The following ITGA1 variants were observed in gnomAD, a reference collection of about 807,000 sequenced individuals.
ITGA1 encodes the protein integrin subunit alpha 1.
In ITGA1, 85 loss-of-function variants were observed where a neutral mutation model predicts 145.9. The ratio of observed to expected loss-of-function variants is 0.58; its 90% CI spans 0.49 to 0.70. The LOEUF (loss-of-function observed/expected upper bound fraction) is 0.70. Among genes scored for constraint, ITGA1 ranks in the 30% least tolerant of loss-of-function variants. ITGA1 has a pLI of 0.00. For missense variants in ITGA1, 1,351 were observed against 1,418.7 expected (o/e 0.95, Z 0.77); for synonymous variants, 520 against 495.3 (o/e 1.05, Z -0.66).
chr5:52,831,010 A>G (rs1229487610), intron 1 of ITGA1, among the ~76,000 whole-genome samples: 1 of 152,126 alleles, frequency 6.6e-6, no homozygotes, highest in Non-Finnish European at 1.5e-5. Flanking sequence ...TCATGTTTTC[A>G]TCCTGCTATG....
At chr5:52,838,739 C>G (rs900087086) in intron 1 of ITGA1, among the ~76,000 whole-genome samples, 2 of 152,122 alleles carry the variant, frequency 1.3e-5, no homozygotes, top group African/African-American at 4.8e-5. Flanking sequence ...TCTAGGCATG[C>G]TTCATTTTTG....
intron 22 of ITGA1, chr5:52,932,850 G>A (rs1465292277): frequency 6.6e-6 from 1 of 152,082 alleles, no homozygotes; most frequent in Non-Finnish European, 1.5e-5. Flanking sequence ...TGATCCTCAT[G>A]ATAACACTAT....
chr5:52,886,149 T>C (rs1242228851), intron 7 of ITGA1, among the ~76,000 whole-genome samples: 2 of 152,096 alleles, frequency 1.3e-5, no homozygotes, highest in African/African-American at 2.4e-5. Flanking sequence ...TAGAAGAAGA[T>C]GTAAAGGAGC....
chr5:52,911,605 A>G (rs1379769096), intron 14 of ITGA1, among the ~76,000 whole-genome samples: 1 of 45,336 alleles, frequency 2.2e-5, no homozygotes, highest in Non-Finnish European at 5.5e-5. Context: ...TATATATACT[A>G]TATATATAGT....
In ITGA1 at chr5:52,881,901, T is replaced by A. The variant is rs539384301; in HGVS notation, c.653T>A (p.Val218Glu). 3 of 1,613,752 alleles carry A rather than the reference T, an allele frequency of 1.9e-6. No individual in the cohort carries two copies. In the South Asian group the frequency reaches 3.3e-5, roughly 18 times the overall value. The change falls in exon 7 of 29, where the codon GTG (valine) becomes GAG (glutamate). Residue 218 changes from valine (V) to glutamate (E), a missense_variant. By Grantham distance (121) the Val-to-Glu change is moderately radical. Transcript: ENST00000282588. The stretch of plus-strand genomic sequence containing the variant: ...GGAATTGTACAGTATGGAGAAAACG[T>A]GACCCATGAGTTCAACCTCAATAAG... ...QVGIVQYGEN[V>E]THEFNLNKYS...
At chr5:52,851,423 C>A (rs1749430094) in intron 2 of ITGA1, among the ~76,000 whole-genome samples, 1 of 152,044 alleles carries the variant, frequency 6.6e-6, no homozygotes, top group South Asian at 2.1e-4. Flanking sequence ...TTCTACAGTC[C>A]CTCCTTTCAA....
In ITGA1 at chr5:52,939,632, A is replaced by G. The variant is rs368040447; in HGVS notation, c.3121A>G (p.Ile1041Val). The G allele has an allele frequency of 6.2e-7, 1 of 1,613,686 alleles. No homozygotes were observed. Among genetic ancestry groups the G allele is most frequent in the South Asian group, 1.1e-5 (1 of 91,080 alleles). The change falls in exon 25 of 29, where the codon ATC (isoleucine) becomes GTC (valine). Residue 1041 changes from isoleucine (I) to valine (V), a missense_variant. Transcript: ENST00000282588. ...CCATATCTTTGAGGATCCTTTCAGT[A>G]TCAACTCTGGAAAGAAAATGACTAC... ...RPHIFEDPFS[I>V]NSGKKMTTST... is the part of the protein sequence containing the mutation.
intron 8 of ITGA1, among the ~76,000 whole-genome samples, chr5:52,890,126 C>G (rs1425401825): frequency 6.6e-6 from 1 of 152,128 alleles, no homozygotes; most frequent in Non-Finnish European, 1.5e-5. Flanking sequence ...AGCTAGCTCT[C>G]TTTTTTGGTA....
At chr5:52,841,319 A>G (rs1336757799) in intron 1 of ITGA1, among the ~76,000 whole-genome samples, 7 of 152,160 alleles carry the variant, frequency 4.6e-5, no homozygotes, top group Non-Finnish European at 4.4e-5. Flanking sequence ...TTATGATGTC[A>G]TTTCCAAATG....
chr5:52,812,456 G>A (rs905432348), intron 1 of ITGA1, among the ~76,000 whole-genome samples: 3 of 152,164 alleles, frequency 2.0e-5, no homozygotes, highest in Admixed American at 1.3e-4. Flanking sequence ...TAATATCACT[G>A]AGAACAGGAA....
At position 52,792,491 on chromosome 5, in the gene ITGA1, C is replaced by G. The variant is rs565335949; in HGVS notation, c.61+4077C>G. Among the ~76,000 whole-genome samples the G allele has an allele frequency of 7.9e-4, 121 of 152,264 alleles. 1 individual carries two copies. Among genetic ancestry groups the G allele is most frequent in the African/African-American group, 2.7e-3 (114 of 41,562 alleles). ...ATATGCTATACTAGTTTAACTATTT[C>G]TCTTCCCTCCTGTCATAACACTTAC... On this transcript the variant is annotated intron_variant, in intron 1 of 28. Transcript: ENST00000282588.
chr5:52,890,618 A>C (rs905868399), intron 8 of ITGA1, among the ~76,000 whole-genome samples: 1 of 152,196 alleles, frequency 6.6e-6, no homozygotes, highest in Non-Finnish European at 1.5e-5. Flanking sequence ...ATAGCTGTAC[A>C]TATTTACCTG....
At position 52,912,071 on chromosome 5, in the gene ITGA1, C is replaced by A. The variant is rs1342187185; in HGVS notation, c.1857+1652C>A. The stretch of plus-strand genomic sequence containing the variant: ...TATATGGTGTACCTATATACACACA[C>A]TATATATAGTATATAGATACACTAT... On this transcript the variant is annotated intron_variant, in intron 14 of 28. Transcript: ENST00000282588. Among the ~76,000 whole-genome samples the A allele has an allele frequency of 2.2e-5, 3 of 135,028 alleles. No homozygotes were observed. The Admixed American group carries it at 2.4e-4, about 11-fold the overall frequency. 88.6% of individuals were successfully genotyped at this position (135,028 alleles called of 152,430 possible).
At chr5:52,947,880 A>G (rs1344057280) in intron 28 of ITGA1, among the ~76,000 whole-genome samples, 1 of 152,202 alleles carries the variant, frequency 6.6e-6, no homozygotes, top group Non-Finnish European at 1.5e-5. Context: ...ATTCAAGGTT[A>G]AAATAAGCCT....
At chr5:52,912,424 C>G (rs1374104615) in intron 14 of ITGA1, among the ~76,000 whole-genome samples, 17 of 141,266 alleles carry the variant, frequency 1.2e-4, no homozygotes, top group South Asian at 6.8e-4. Context: ...AGTGTATCCA[C>G]TATAGGTATT....
chr5:52,893,923 C>A, intron 9 of ITGA1, 83 bp downstream of exon 9: 52 of 933,576 alleles, frequency 5.6e-5, no homozygotes, highest in Non-Finnish European at 7.9e-5. Flanking sequence ...ATTCCTAATA[C>A]ATCAGTAATA....
In ITGA1 at chr5:52,912,988, C is replaced by T. The variant is rs550065028; in HGVS notation, c.1858-2476C>T. Among the ~76,000 whole-genome samples the T allele has an allele frequency of 8.5e-5, 13 of 152,068 alleles. No individual in the cohort carries two copies. The South Asian group carries it at 1.9e-3, about 22-fold the overall frequency. ...GTTTTGATCTCCTGACTTCGTGATC[C>T]GCCCACCTCGGCCTCCCAAAGTGTT... On this transcript the variant is annotated intron_variant, in intron 14 of 28. Coordinates refer to ENST00000282588, the MANE Select transcript of ITGA1 (RefSeq NM_181501.2).
chr5:52,939,681 G>T lies in ITGA1; in HGVS notation c.3170G>T (p.Gly1057Val). The change falls in exon 25 of 29, where the codon GGC becomes GTC. Residue 1057 changes from glycine to valine, a missense_variant. Physicochemically the swap from Gly to Val is moderately radical, Grantham distance 109. Transcript: ENST00000282588. ...MTTSTDHLKR[G>V]TILDCNTCKF... ...ACATCAACTGACCATCTCAAACGAGGCACAATTCTGGTAAATTAAGACAAG... is the reference window on the plus strand; with the variant it reads ...ACATCAACTGACCATCTCAAACGAGTCACAATTCTGGTAAATTAAGACAAG... 3 of 1,608,806 alleles carry T rather than the reference G, an allele frequency of 1.9e-6. No homozygotes were observed. The highest frequency in any genetic ancestry group is 2.6e-6 in the Non-Finnish European group (3 of 1,175,562).
Position 52,788,433 on chromosome 5 carries a change from T to G in ITGA1, c.61+19T>G. 6.7e-7 allele frequency: 1 copy of G among 1,498,550 alleles called. No homozygotes were observed. Among genetic ancestry groups the G allele is most frequent in the Non-Finnish European group, 8.9e-7 (1 of 1,126,160 alleles). 92.8% of individuals were successfully genotyped at this position (1,498,550 alleles called of 1,614,324 possible). On this transcript the variant is annotated intron_variant, in intron 1 of 28. Transcript: ENST00000282588. ...CTCACTGGTGAGCGACTCGCTTTTCTCTGAGCATCTCCTGCTCGCGGGCTT... is the reference window on the plus strand; with the variant it reads ...CTCACTGGTGAGCGACTCGCTTTTCGCTGAGCATCTCCTGCTCGCGGGCTT...
Sources: allele counts gnomAD v4.1 joint callset (sites outside exome capture counted in the v4.1 genomes callset), GRCh38; gene constraint gnomAD v4.1.1; transcripts MANE v1.5; gene names NCBI Gene and HGNC (gene_info 2026-07-23, HGNC 2026-07-21).